ZWILCH: variants seen among roughly 807,000 people sequenced by gnomAD.
ZWILCH encodes the protein zwilch kinetochore protein.
ZWILCH carries 74 observed loss-of-function variants against 79.9 expected under a neutral mutation model. That is an observed-to-expected ratio of 0.93 (90% CI 0.77 to 1.12). ZWILCH has a LOEUF of 1.12. Among genes scored for constraint, ZWILCH ranks in the 50% most tolerant of loss-of-function variants. The pLI is 0.00. For missense variants in ZWILCH, 694 were observed against 687.5 expected, an observed-to-expected ratio of 1.01 and a Z score of -0.11; for synonymous variants, 241 against 228.2, an observed-to-expected ratio of 1.06 and a Z score of -0.51.
chr15:66,526,317 A>G (rs906927526), intron 8 of ZWILCH, among the ~76,000 whole-genome samples: 1 of 152,116 alleles, frequency 6.6e-6, no homozygotes, highest in Admixed American at 6.5e-5. Context: ...CCGCTGCTTC[A>G]TAGTCGCTTT....
chr15:66,527,424 A>T (rs749436765), intron 9 of ZWILCH, 41 bp downstream of exon 9: 4 of 1,440,954 alleles, frequency 2.8e-6, no homozygotes, highest in East Asian at 4.5e-5. Flanking sequence ...TATACTTGCT[A>T]TGTTTAAATA....
chr15:66,544,155 G>A (rs573898004), intron 17 of ZWILCH, among the ~76,000 whole-genome samples: 1 of 151,942 alleles, frequency 6.6e-6, no homozygotes, highest in Admixed American at 6.6e-5. Flanking sequence ...TACTCAGGAG[G>A]CTGAGGCAGG....
intron 8 of ZWILCH, among the ~76,000 whole-genome samples, chr15:66,525,756 CTTTTTTTTTTTT>C (rs66835007): frequency 1.1e-5 from 1 of 93,480 alleles, no homozygotes; most frequent in African/African-American, 4.3e-5. Context: ...TCACATTTTT[CTTTTTTTTTTTT>C]TTTTTTTTTT....
At chr15:66,545,423 A>G (rs1895338133) in intron 17 of ZWILCH, among the ~76,000 whole-genome samples, 1 of 152,194 alleles carries the variant, frequency 6.6e-6, no homozygotes. Context: ...ATACAAGATG[A>G]AACATCTTTT....
At chr15:66,531,869 G>A (rs1894862079) in intron 12 of ZWILCH, among the ~76,000 whole-genome samples, 1 of 151,942 alleles carries the variant, frequency 6.6e-6, no homozygotes, top group Non-Finnish European at 1.5e-5. Context: ...GACTTTGAGA[G>A]CAGCCTGGCC....
chr15:66,541,276 C>A (rs1324951313), intron 17 of ZWILCH, among the ~76,000 whole-genome samples: 5 of 151,880 alleles, frequency 3.3e-5, no homozygotes, highest in Non-Finnish European at 5.9e-5. Flanking sequence ...CAGAGTGTAA[C>A]CCTGTCTCAG....
chr15:66,520,866 C>T (rs368834322), intron 6 of ZWILCH, among the ~76,000 whole-genome samples, 184 bp from the exon 7 acceptor site: 11 of 152,088 alleles, frequency 7.2e-5, no homozygotes, highest in African/African-American at 2.2e-4. Flanking sequence ...AAAGAATTGT[C>T]TTACTTTTCT....
chr15:66,544,472 A>G lies in ZWILCH; in HGVS notation c.1688-2119A>G, dbSNP rs1350540808. ...TCAGCGTCCCAAGTAGCTTGGGACT[A>G]TGGGTGGGCGCCATCATGCCTGCCT... On this transcript the variant is annotated intron_variant, in intron 17 of 18. Transcript: ENST00000307897. Among the ~76,000 whole-genome samples, 6 of 151,398 alleles carry G rather than the reference A, an allele frequency of 4.0e-5. No individual in the cohort carries two copies. The East Asian group carries it at 7.9e-4, about 20-fold the overall frequency.
At position 66,546,597 on chromosome 15, in the gene ZWILCH, C is replaced by T. The variant is rs372166697; in HGVS notation, c.1694C>T (p.Ser565Leu). The change falls in exon 18 of 19, where the codon TCG (serine) becomes TTG (leucine). Residue 565 changes from serine (S) to leucine (L), a missense_variant. By Grantham distance (145) the Ser-to-Leu change is moderately radical. Coordinates refer to ENST00000307897, the MANE Select transcript of ZWILCH (RefSeq NM_017975.5). ...DHLNFHKPDF[S>L]ELTLNGSLEE... ...ACTCTCTTTTTGATTACAGATTTTT[C>T]GGAATTAACACTAAACGGTAGCCTG... is the stretch of plus-strand genomic sequence containing the variant. 2.6e-5 allele frequency: 42 copies of T among 1,600,782 alleles called. No homozygotes were observed. The highest frequency in any genetic ancestry group is 1.7e-4 in the Middle Eastern group (1 of 6,036).
At chr15:66,511,966 TGCAACATTTTGAAAG>T (rs1188095042) in intron 2 of ZWILCH, among the ~76,000 whole-genome samples, 1 of 152,184 alleles carries the variant, frequency 6.6e-6, no homozygotes, top group African/African-American at 2.4e-5. Flanking sequence ...AATGTGTAGG[TGCAACATTTTGAAAG>T]GCAGTCTAAT....
intron 4 of ZWILCH, among the ~76,000 whole-genome samples, chr15:66,517,792 G>A (rs1263695989): frequency 8.1e-6 from 1 of 124,098 alleles, no homozygotes; most frequent in Non-Finnish European, 1.6e-5. Flanking sequence ...GAGTGCAATG[G>A]CGTGATCTCG....
chr15:66,507,151 G>A (rs1893859129), intron 1 of ZWILCH, among the ~76,000 whole-genome samples: 2 of 152,186 alleles, frequency 1.3e-5, no homozygotes, highest in Non-Finnish European at 1.5e-5. Context: ...GTGAGCCATC[G>A]TGCCCGGCCC....
chr15:66,533,138 T>C, intron 14 of ZWILCH, 125 bp downstream of exon 14: 1 of 546,528 alleles, frequency 1.8e-6, no homozygotes, highest in Non-Finnish European at 3.1e-6. Flanking sequence ...AATAAGACAG[T>C]CAGTGCCCGT....
rs550901947 is a variant in ZWILCH, at chr15:66,509,704, T to A, written c.105+812T>A. Among the ~76,000 whole-genome samples, 17 of 139,788 alleles carry A rather than the reference T, an allele frequency of 1.2e-4. 2 individuals carry two copies. The South Asian group carries it at 3.7e-3, about 30-fold the overall frequency. 91.7% of individuals were successfully genotyped at this position (139,788 alleles called of 152,430 possible). The stretch of plus-strand genomic sequence containing the variant: ...TCCATACTTGGGGAGATAAAACCTA[T>A]GTCCATGAAATAATTAGCAAACTAA... On this transcript the variant is annotated intron_variant, in intron 2 of 18. Transcript: ENST00000307897.
rs775407199 is a variant in ZWILCH at position 66,532,315 on chromosome 15, A to G, written c.1224A>G (p.Thr408=). ...IHQSYHGTMD[T]VSLSGTIPVQ... The stretch of plus-strand genomic sequence containing the variant: ...AGTCTTATCATGGAACCATGGACAC[A>G]GTTTCTCTCAGTGGGACTATTCCAG... The change falls in exon 13 of 19, where the codon ACA becomes ACG. Residue 408 remains threonine (T), a synonymous_variant. Coordinates refer to ENST00000307897, the MANE Select transcript of ZWILCH (RefSeq NM_017975.5). 33 of 1,612,738 alleles carry G rather than the reference A, an allele frequency of 2.0e-5. No individual in the cohort carries two copies. The highest frequency in any genetic ancestry group is 5.0e-5 in the Admixed American group (3 of 59,872).
At chr15:66,509,960 T>C (rs1893992742) in intron 2 of ZWILCH, among the ~76,000 whole-genome samples, 1 of 149,088 alleles carries the variant, frequency 6.7e-6, no homozygotes, top group African/African-American at 2.5e-5. Flanking sequence ...ATGGATCACC[T>C]GAGGTCAGGA....
intron 7 of ZWILCH, chr15:66,523,418 G>A: frequency 3.2e-6 from 1 of 316,692 alleles, no homozygotes; most frequent in East Asian, 5.0e-5. Context: ...GTGTGAGGAG[G>A]GCAGTTGTTC....
chr15:66,516,311 G>C (rs1407411384), intron 4 of ZWILCH, among the ~76,000 whole-genome samples: 1 of 152,154 alleles, frequency 6.6e-6, no homozygotes, highest in Non-Finnish European at 1.5e-5. Flanking sequence ...CCTCCCCACT[G>C]TGTAGCTATG....
chr15:66,543,847 C>T (rs954301417), intron 17 of ZWILCH, among the ~76,000 whole-genome samples: 1 of 152,152 alleles, frequency 6.6e-6, no homozygotes, highest in Non-Finnish European at 1.5e-5. Flanking sequence ...TAGAGTTCTT[C>T]AGGTGATTCC....
Sources: allele counts gnomAD v4.1 joint callset (sites outside exome capture counted in the v4.1 genomes callset), GRCh38; gene constraint gnomAD v4.1.1; transcripts MANE v1.5; gene names NCBI Gene and HGNC (gene_info 2026-07-23, HGNC 2026-07-21).